Variants in WDR64 observed in about 807,000 individuals in gnomAD.
WDR64 encodes WD repeat-containing protein 64.
In WDR64, 112 loss-of-function variants were observed where a neutral mutation model predicts 139.3. The observed-to-expected ratio is 0.80, with a 90% CI of 0.69 to 0.94. The LOEUF (loss-of-function observed/expected upper bound fraction) is 0.94. Among genes scored for constraint, WDR64 ranks in the 40% least tolerant of loss-of-function variants. The pLI is 0.00. For missense variants in WDR64, 1,206 were observed against 1,293.1 expected (o/e 0.93, Z 1.03); for synonymous variants, 444 against 437.7 (o/e 1.01, Z -0.18).
intron 21 of WDR64, among the ~76,000 whole-genome samples, chr1:241,777,793 T>A (rs1476099698): frequency 6.6e-6 from 1 of 152,184 alleles, no homozygotes; most frequent in East Asian, 1.9e-4. Flanking sequence ...TTATAAATAT[T>A]CTACCTAATC....
chr1:241,670,454 G>A (rs1468047100), intron 2 of WDR64, among the ~76,000 whole-genome samples: 1 of 152,220 alleles, frequency 6.6e-6, no homozygotes, highest in Non-Finnish European at 1.5e-5. Flanking sequence ...CCTGCATGAT[G>A]AGGACTGATT....
intron 8 of WDR64, among the ~76,000 whole-genome samples, chr1:241,708,292 A>T (rs1668029752): frequency 6.6e-6 from 1 of 152,232 alleles, no homozygotes; most frequent in Non-Finnish European, 1.5e-5. Context: ...ATAATTTACA[A>T]ATAAATGTCA....
chr1:241,735,823 ATCTCTCTCTCTCTC>A (rs762750963), intron 10 of WDR64, among the ~76,000 whole-genome samples: 7 of 82,914 alleles, frequency 8.4e-5, no homozygotes, highest in African/African-American at 1.3e-4. Flanking sequence ...TTCTCTTTCT[ATCTCTCTCTCTCTC>A]TCTCTCTCTC....
At chr1:241,728,721 T>A (rs577273754) in intron 10 of WDR64, among the ~76,000 whole-genome samples, 1 of 152,288 alleles carries the variant, frequency 6.6e-6, no homozygotes, top group Non-Finnish European at 1.5e-5. Flanking sequence ...GAGACAAATA[T>A]AATCTTCACT....
At position 241,802,347 on chromosome 1, in the gene WDR64, ACACT is replaced by A. The variant is rs1415797540; in HGVS notation, c.*1135_*1138del. On this transcript the variant is annotated 3_prime_UTR_variant, in exon 28 of 28. Transcript: ENST00000437684. ...TAAAATTCTACAACAGGAAAGACTAACACTCAGTTTAAAAAATTAAAACAATGGT... is the reference window on the plus strand; with the variant it reads ...TAAAATTCTACAACAGGAAAGACTAACAGTTTAAAAAATTAAAACAATGGT... Among the ~76,000 whole-genome samples, 3 of 152,182 alleles carry A rather than the reference ACACT, an allele frequency of 2.0e-5. No individual in the cohort carries two copies. The highest frequency in any genetic ancestry group is 4.8e-5 in the African/African-American group (2 of 41,446).
At chr1:241,675,038 T>TC (rs140435520) in intron 4 of WDR64, among the ~76,000 whole-genome samples, 6,629 of 22,464 alleles carry the variant, frequency 0.3, 1,628 homozygotes, top group Middle Eastern at 0.45. Context: ...CCTCCCTCCT[T>TC]CTTCTTTCCT....
intron 24 of WDR64, among the ~76,000 whole-genome samples, chr1:241,789,466 T>C (rs899934983): frequency 1.3e-5 from 2 of 152,166 alleles, no homozygotes; most frequent in Admixed American, 6.5e-5. Flanking sequence ...AGCAAAGACA[T>C]GGAATCAACC....
chr1:241,778,427 G>A (rs1325540732), intron 21 of WDR64, among the ~76,000 whole-genome samples: 1 of 152,074 alleles, frequency 6.6e-6, no homozygotes, highest in Non-Finnish European at 1.5e-5. Flanking sequence ...ACATACAGTG[G>A]CTCATGTTTT....
chr1:241,754,119 A>G (rs1670080835), intron 14 of WDR64, among the ~76,000 whole-genome samples: 1 of 152,140 alleles, frequency 6.6e-6, no homozygotes, highest in Non-Finnish European at 1.5e-5. Context: ...TGGCTCGCAG[A>G]CACATGAAAA....
chr1:241,681,040 C>T (rs1405972025), intron 6 of WDR64, among the ~76,000 whole-genome samples: 2 of 152,156 alleles, frequency 1.3e-5, no homozygotes, highest in Non-Finnish European at 2.9e-5. Context: ...TTGCATTTGA[C>T]ACCCCCTCCC....
intron 16 of WDR64, among the ~76,000 whole-genome samples, chr1:241,769,137 T>G (rs768929596): frequency 2.0e-5 from 3 of 152,056 alleles, no homozygotes; most frequent in Non-Finnish European, 4.4e-5. Context: ...TCCATAGGAT[T>G]TTGTAGAAGT....
chr1:241,797,225 G>A (rs1275974810), intron 27 of WDR64, among the ~76,000 whole-genome samples: 1 of 152,156 alleles, frequency 6.6e-6, no homozygotes, highest in Non-Finnish European at 1.5e-5. Context: ...CTAAAGTAAG[G>A]TCAAGTGGCT....
rs952649891 is a variant in WDR64 at position 241,703,094 on chromosome 1, TATATC to T, written c.975-8704_975-8700del. 4.6e-5 allele frequency among the ~76,000 whole-genome samples: 7 copies of T among 152,298 alleles called. No homozygotes were observed. The South Asian group carries it at 1.4e-3, about 32-fold the overall frequency. On this transcript the variant is annotated intron_variant, in intron 8 of 27. Transcript: ENST00000437684. The surrounding 1 kb of genome is among the most constrained non-coding windows in gnomAD (Gnocchi z 5.9). ...AGGCATTCTGAAATTTCTTTCCTCT[TATATC>T]ATAAAGGAGAAAAGAGAAATGCCTT...
chr1:241,653,265 T>TAACA (rs1665433466), intron 1 of WDR64, among the ~76,000 whole-genome samples: 1 of 152,124 alleles, frequency 6.6e-6, no homozygotes, highest in Non-Finnish European at 1.5e-5. Context: ...AGTGAAAGAC[T>TAACA]AACAGAACAA....
intron 15 of WDR64, among the ~76,000 whole-genome samples, chr1:241,760,365 GACTT>G (rs1195716608): frequency 2.7e-5 from 4 of 150,710 alleles, no homozygotes; most frequent in African/African-American, 9.7e-5. Flanking sequence ...ATATGAAAAA[GACTT>G]ACGATTATTC....
chr1:241,791,070 T>A (rs1417240121), intron 25 of WDR64, among the ~76,000 whole-genome samples: 1 of 152,100 alleles, frequency 6.6e-6, no homozygotes, highest in East Asian at 1.9e-4. Context: ...GTGGATCACC[T>A]GAGGTCAGGA....
intron 14 of WDR64, among the ~76,000 whole-genome samples, chr1:241,751,818 C>A (rs1186002711): frequency 1.3e-5 from 2 of 152,164 alleles, no homozygotes; most frequent in Non-Finnish European, 2.9e-5. Context: ...AATACAACTT[C>A]ATAGAAAACA....
intron 10 of WDR64, among the ~76,000 whole-genome samples, chr1:241,735,851 CTCTCTGTGTG>C (rs1278473009): frequency 1.5e-4 from 13 of 87,464 alleles, no homozygotes; most frequent in Admixed American, 7.8e-4. Flanking sequence ...CTCTCTCTCT[CTCTCTGTGTG>C]TGTGTGTGTG....
At chr1:241,742,521 G>A (rs1669587685) in intron 12 of WDR64, among the ~76,000 whole-genome samples, 1 of 152,114 alleles carries the variant, frequency 6.6e-6, no homozygotes, top group Non-Finnish European at 1.5e-5. Flanking sequence ...ACTCCCACCA[G>A]CACCATGACA....
Sources: gnomAD v4.1 joint callset for allele counts (sites outside exome capture counted in the v4.1 genomes callset) on GRCh38, gnomAD v4.1.1 for gene constraint, Gnocchi (gnomAD v3.1) non-coding constraint, MANE v1.5 for transcripts, NCBI Gene and HGNC (gene_info 2026-07-23, HGNC 2026-07-21) for gene names.